Variants in PELI2 observed in about 807,000 individuals in gnomAD.
PELI2 encodes pellino E3 ubiquitin protein ligase family member 2.
A neutral mutation model predicts 42.3 loss-of-function variants in PELI2; 23 were observed. The ratio of observed to expected loss-of-function variants is 0.54; its 90% CI spans 0.39 to 0.77. The LOEUF (loss-of-function observed/expected upper bound fraction) is 0.77, where lower values mean the gene tolerates loss of function less well. PELI2 is among the 30% of genes least tolerant of loss of function. The pLI, the probability that PELI2 is intolerant of heterozygous loss-of-function variation, is 0.00. For missense variants in PELI2, 463 were observed against 553.2 expected (o/e 0.84, Z 1.64); for synonymous variants, 245 against 212.2 (o/e 1.15, Z -1.34).
At chr14:56,139,622 A>G (rs1451061978) in intron 1 of PELI2, among the ~76,000 whole-genome samples, 5 of 152,132 alleles carry the variant, frequency 3.3e-5, no homozygotes, top group African/African-American at 1.2e-4. Flanking sequence ...AAAAATTCTT[A>G]CTGCCTTCTA....
intron 2 of PELI2, among the ~76,000 whole-genome samples, chr14:56,194,947 A>C (rs1352458347): frequency 6.6e-6 from 1 of 152,242 alleles, no homozygotes; most frequent in Non-Finnish European, 1.5e-5. Context: ...CAGCTGTGCA[A>C]AATTAAAGTA....
chr14:56,191,863 G>A (rs1216979585), intron 2 of PELI2, among the ~76,000 whole-genome samples: 1 of 152,150 alleles, frequency 6.6e-6, no homozygotes, highest in Non-Finnish European at 1.5e-5. Flanking sequence ...GAGACAGAGT[G>A]TCGCTCTGTC....
chr14:56,284,537 T>A (rs1043837599), intron 3 of PELI2, among the ~76,000 whole-genome samples: 1 of 152,158 alleles, frequency 6.6e-6, no homozygotes, highest in Non-Finnish European at 1.5e-5. Flanking sequence ...GGGTTTTGGT[T>A]TTTTGTTTGG....
At chr14:56,280,845 G>A (rs1278506671) in intron 3 of PELI2, among the ~76,000 whole-genome samples, 1 of 152,034 alleles carries the variant, frequency 6.6e-6, no homozygotes, top group Non-Finnish European at 1.5e-5. Context: ...ACAAAGGATT[G>A]ATACCTACTG....
chr14:56,119,020 C>T (rs1399900864), intron 1 of PELI2: 5 of 185,510 alleles, frequency 2.7e-5, no homozygotes, highest in Non-Finnish European at 5.5e-5. Context: ...GCGCCGGGCA[C>T]CGGGTCCGCG....
intron 1 of PELI2, among the ~76,000 whole-genome samples, chr14:56,172,466 A>T (rs983927817): frequency 2.0e-5 from 3 of 152,036 alleles, no homozygotes; most frequent in Non-Finnish European, 2.9e-5. Context: ...GGGGAGTTAG[A>T]CTCCACCTCT....
At chr14:56,161,681 A>G (rs573443514) in intron 1 of PELI2, among the ~76,000 whole-genome samples, 72 of 152,340 alleles carry the variant, frequency 4.7e-4, no homozygotes, top group Non-Finnish European at 8.8e-4. Flanking sequence ...CCCTGGGACT[A>G]ACATGCCCCA....
intron 5 of PELI2, among the ~76,000 whole-genome samples, chr14:56,295,704 T>TTA (rs2139908750): frequency 6.6e-6 from 1 of 152,276 alleles, no homozygotes; most frequent in Admixed American, 6.5e-5. Context: ...CACGAGGAGT[T>TTA]TAAGTAATCT....
At chr14:56,167,230 C>G (rs548722956) in intron 1 of PELI2, among the ~76,000 whole-genome samples, 69 of 152,244 alleles carry the variant, frequency 4.5e-4, no homozygotes, top group African/African-American at 1.5e-3. Flanking sequence ...TTGGGGAGTA[C>G]TCTGTTATTA....
intron 2 of PELI2, among the ~76,000 whole-genome samples, chr14:56,218,497 T>A (rs1886993272): frequency 6.6e-6 from 1 of 152,266 alleles, no homozygotes; most frequent in Admixed American, 6.5e-5. Context: ...AACTCTGTAG[T>A]TGACTGTGTA....
At chr14:56,252,789 C>G (rs1224858957) in intron 2 of PELI2, among the ~76,000 whole-genome samples, 1 of 152,180 alleles carries the variant, frequency 6.6e-6, no homozygotes, top group East Asian at 1.9e-4. Flanking sequence ...TAAAGAGGAG[C>G]TGGTACCATT....
At chr14:56,202,486 C>A (rs1051992203) in intron 2 of PELI2, among the ~76,000 whole-genome samples, 1 of 131,568 alleles carries the variant, frequency 7.6e-6, no homozygotes, top group African/African-American at 2.6e-5. Context: ...GGAACCCTCC[C>A]CTCCTTCGCT....
At chr14:56,164,243 T>TA (rs1398754442) in intron 1 of PELI2, among the ~76,000 whole-genome samples, 3 of 152,182 alleles carry the variant, frequency 2.0e-5, no homozygotes, top group East Asian at 3.8e-4. Context: ...TGAGTGCTTT[T>TA]ATCATGAAGG....
At chr14:56,158,434 T>G (rs1435143834) in intron 1 of PELI2, among the ~76,000 whole-genome samples, 7 of 152,190 alleles carry the variant, frequency 4.6e-5, no homozygotes. Context: ...CTTGACCTCC[T>G]GGGCTCCAGT....
At chr14:56,124,724 TC>T (rs1461974155) in intron 1 of PELI2, among the ~76,000 whole-genome samples, 5 of 152,074 alleles carry the variant, frequency 3.3e-5, no homozygotes, top group African/African-American at 1.2e-4. Context: ...GTTAGCAGGG[TC>T]CCCTAGCCAT....
At chr14:56,276,176 A>C (rs1243839107) in intron 2 of PELI2, among the ~76,000 whole-genome samples, 1 of 152,234 alleles carries the variant, frequency 6.6e-6, no homozygotes, top group African/African-American at 2.4e-5. Flanking sequence ...TGACCCAAGA[A>C]GGAAAGTGAA....
intron 2 of PELI2, among the ~76,000 whole-genome samples, chr14:56,241,324 AAG>A (rs1278712758): frequency 2.0e-5 from 3 of 152,196 alleles, no homozygotes; most frequent in African/African-American, 4.8e-5. Context: ...GGGGGGGAAA[AAG>A]AATATTTGGG....
At chr14:56,150,315 A>T (rs952274202) in intron 1 of PELI2, among the ~76,000 whole-genome samples, 4 of 152,252 alleles carry the variant, frequency 2.6e-5, no homozygotes, top group African/African-American at 9.6e-5. Context: ...ATTCATTTAG[A>T]CAGAGTTTAA....
At chr14:56,134,711 G>C (rs1361326568) in intron 1 of PELI2, among the ~76,000 whole-genome samples, 1 of 150,724 alleles carries the variant, frequency 6.6e-6, no homozygotes, top group African/African-American at 2.4e-5. Context: ...GCCAACTTCA[G>C]TTTATTTTTT....
Sources: allele counts gnomAD v4.1 joint callset (sites outside exome capture counted in the v4.1 genomes callset), GRCh38; gene constraint gnomAD v4.1.1; transcripts MANE v1.5; gene names NCBI Gene and HGNC (gene_info 2026-07-23, HGNC 2026-07-21).